Variants in VPS33B observed in about 807,000 individuals in gnomAD.
The protein encoded by VPS33B is VPS33B late endosome and lysosome associated.
VPS33B carries 80 observed loss-of-function variants against 95.3 expected under a neutral mutation model. The ratio of observed to expected loss-of-function variants is 0.84; its 90% confidence interval spans 0.70 to 1.01. The LOEUF is 1.01. Ranked by LOEUF, VPS33B falls within the 50% of genes least tolerant of loss-of-function variation. The probability of loss-of-function intolerance (pLI) is 0.00; values close to 1 mark genes in which losing one functional copy is unlikely to be tolerated. For synonymous variants in VPS33B, 280 were observed against 280.4 expected (o/e 1.00, Z 0.01); for missense variants, 715 against 773.4 (o/e 0.92, Z 0.90).
Position 91,005,812 on chromosome 15 carries a change from C to T in VPS33B, c.940-28G>A, listed in dbSNP as rs1482886316. 2 of 1,613,984 alleles carry T rather than the reference C, an allele frequency of 1.2e-6. No individual in the cohort carries two copies. The highest frequency in any genetic ancestry group is 4.5e-5 in the East Asian group (2 of 44,874). On this transcript the variant is annotated intron_variant, in intron 12 of 22. Transcript: ENST00000333371. This position sits in a 1 kb window ranked among gnomAD's most constrained non-coding sequence, Gnocchi z 6.4. ...GTGGGAAAATTCCCAAAGGTGAACCCCCCAACCTCAGACACGAGAAACCAC... is the reference window on the plus strand; with the variant it reads ...GTGGGAAAATTCCCAAAGGTGAACCTCCCAACCTCAGACACGAGAAACCAC...
intron 1 of VPS33B, among the ~76,000 whole-genome samples, chr15:91,020,888 T>G (rs2041083469): frequency 6.6e-6 from 1 of 151,898 alleles, no homozygotes; most frequent in South Asian, 2.1e-4. Flanking sequence ...CTCAAAAAAA[T>G]AAATAAAATA....
rs2040381676 is a variant in VPS33B, at chr15:90,999,782, C to T, written c.1669G>A (p.Glu557Lys). ...AGGGACTCACTGGAAGCCTTGTCTTCCTTAGTCATATCTGTGAGGATCAGA... is the reference window on the plus strand; with the variant it reads ...AGGGACTCACTGGAAGCCTTGTCTTTCTTAGTCATATCTGTGAGGATCAGA... ...SDFAFTDMTK[E>K]DKASSESLRL... Residue 557 changes from glutamate (E) to lysine (K), a missense_variant, in exon 22 of 23, where the codon GAA becomes AAA. Physicochemically the swap from Glu to Lys is moderately conservative, Grantham distance 56. Coordinates refer to ENST00000333371, the MANE Select transcript of VPS33B (RefSeq NM_018668.5). The surrounding 1 kb of genome is among the most constrained non-coding windows in gnomAD (Gnocchi z 5.1). The T allele has an allele frequency of 6.2e-7, 1 of 1,614,186 alleles. No individual in the cohort carries two copies. Among genetic ancestry groups the T allele is most frequent in the African/African-American group, 1.3e-5 (1 of 75,046 alleles).
In VPS33B at chr15:91,005,366, G is replaced by A; in HGVS notation, c.1105+14C>T. 6.2e-7 allele frequency: 1 copy of A among 1,614,128 alleles called. No individual in the cohort carries two copies. The highest frequency in any genetic ancestry group is 8.5e-7 in the Non-Finnish European group (1 of 1,180,026). Reference sequence around the variant, plus strand: ...GAAGCGTGGGCAGTAGCACAGCAAGGCTGCGGCAGTTACCATGCTCAGTCT... The same window carrying A: ...GAAGCGTGGGCAGTAGCACAGCAAGACTGCGGCAGTTACCATGCTCAGTCT... On this transcript the variant is annotated intron_variant, in intron 14 of 22. Transcript: ENST00000333371. The surrounding 1 kb of genome is among the most constrained non-coding windows in gnomAD (Gnocchi z 6.4).
Position 90,999,733 on chromosome 15 carries a change from A to C in VPS33B, c.1718T>G (p.Leu573Trp). ...ESLRLILVVF[L>W]GGCTFSEISA... is the part of the protein sequence containing the mutation. ...GATCTCAGAGAATGTACAACCACCC[A>C]AGAACACCACCAAGATGAGGCGCAG... Residue 573 changes from leucine (L) to tryptophan (W), a missense_variant, in exon 22 of 23, where the codon TTG becomes TGG. Transcript: ENST00000333371. The surrounding 1 kb of genome is among the most constrained non-coding windows in gnomAD (Gnocchi z 5.1). 1 of 1,614,100 alleles carries C rather than the reference A, an allele frequency of 6.2e-7. No individual in the cohort carries two copies. Among genetic ancestry groups the C allele is most frequent in the South Asian group, 1.1e-5 (1 of 91,066 alleles).
chr15:91,000,008 C>T lies in VPS33B; in HGVS notation c.1582-33G>A. ...GGTGTAAGCACTGTTTTTAAGGCTACAGACAGTATCAGGCTTAGGAAAGGA... is the reference window on the plus strand; with the variant it reads ...GGTGTAAGCACTGTTTTTAAGGCTATAGACAGTATCAGGCTTAGGAAAGGA... On this transcript the variant is annotated intron_variant, in intron 20 of 22. Coordinates refer to ENST00000333371, the MANE Select transcript of VPS33B (RefSeq NM_018668.5). The surrounding 1 kb of genome is among the most constrained non-coding windows in gnomAD (Gnocchi z 4.9). 1 of 1,612,620 alleles carries T rather than the reference C, an allele frequency of 6.2e-7. No individual in the cohort carries two copies. Among genetic ancestry groups the T allele is most frequent in the Middle Eastern group, 1.7e-4 (1 of 6,056 alleles).
chr15:91,008,000 G>A lies in VPS33B; in HGVS notation c.404-36C>T. 1 of 1,601,036 alleles carries A rather than the reference G, an allele frequency of 6.2e-7. No individual in the cohort carries two copies. Among genetic ancestry groups the A allele is most frequent in the Non-Finnish European group, 8.6e-7 (1 of 1,168,198 alleles). On this transcript the variant is annotated intron_variant, in intron 6 of 22. Transcript: ENST00000333371. The surrounding 1 kb of genome is among the most constrained non-coding windows in gnomAD (Gnocchi z 5.3). The stretch of plus-strand genomic sequence containing the variant: ...AGAGAGCATCAGCCTCCCTGCAGAA[G>A]GTACTTAGCTCCACGTTAAGAGGGA...
chr15:91,003,542 C>G (rs2040506414), intron 16 of VPS33B, among the ~76,000 whole-genome samples: 1 of 152,156 alleles, frequency 6.6e-6, no homozygotes, highest in Non-Finnish European at 1.5e-5. Context: ...CGGGTTCAAG[C>G]CATTCTCCTG....
chr15:91,014,278 G>A (rs1163354603), intron 4 of VPS33B, 106 bp downstream of exon 4: 7 of 1,123,964 alleles, frequency 6.2e-6, no homozygotes, highest in Middle Eastern at 2.0e-4. Flanking sequence ...CAAGTGCTAC[G>A]GCCAACTCAA....
At position 91,002,212 on chromosome 15, in the gene VPS33B, G is replaced by T; in HGVS notation, c.1273-30C>A. ...AGAAGATGCAATTAGACTATTTACT[G>T]AGTGTCCAAAGAGCATCTAGTACTG... On this transcript the variant is annotated intron_variant, in intron 17 of 22. Coordinates refer to ENST00000333371, the MANE Select transcript of VPS33B (RefSeq NM_018668.5). This position sits in a 1 kb window ranked among gnomAD's most constrained non-coding sequence, Gnocchi z 4.7. 1 of 1,613,526 alleles carries T rather than the reference G, an allele frequency of 6.2e-7. No homozygotes were observed. Among genetic ancestry groups the T allele is most frequent in the Non-Finnish European group, 8.5e-7 (1 of 1,179,756 alleles).
chr15:91,019,167 G>C (rs1274191047), intron 1 of VPS33B, among the ~76,000 whole-genome samples: 1 of 140,404 alleles, frequency 7.1e-6, no homozygotes, highest in Admixed American at 7.6e-5. Context: ...CTGTCGCCCA[G>C]GCTGGAGTGG....
intron 19 of VPS33B, 87 bp downstream of exon 19, chr15:91,001,302 T>G: frequency 9.9e-7 from 1 of 1,012,220 alleles, no homozygotes; most frequent in Non-Finnish European, 1.5e-6. Context: ...AGAGCAAGAT[T>G]CCATCTCAAA....
intron 18 of VPS33B, 147 bp downstream of exon 18, chr15:91,001,903 G>T: frequency 7.7e-7 from 1 of 1,302,082 alleles, no homozygotes. Context: ...GCTCTTACTA[G>T]CAGAAGTAGT....
rs1218062846 is a variant in VPS33B at position 91,007,224 on chromosome 15, A to G, written c.604-178T>C. Among the ~76,000 whole-genome samples, 3 of 152,026 alleles carry G rather than the reference A, an allele frequency of 2.0e-5. No homozygotes were observed. The East Asian group carries it at 5.8e-4, about 29-fold the overall frequency. Reference sequence around the variant, plus strand: ...TCTATCTTTCCCCAACACTCTTCCTACTGATGAGAAGATGTGTTACTCTGT... The same window carrying G: ...TCTATCTTTCCCCAACACTCTTCCTGCTGATGAGAAGATGTGTTACTCTGT... On this transcript the variant is annotated intron_variant, in intron 8 of 22. Transcript: ENST00000333371. This position sits in a 1 kb window ranked among gnomAD's most constrained non-coding sequence, Gnocchi z 5.3.
intron 3 of VPS33B, among the ~76,000 whole-genome samples, 155 bp from the exon 4 acceptor site, chr15:91,014,588 A>G (rs1332186374): frequency 1.3e-5 from 2 of 152,198 alleles, no homozygotes; most frequent in South Asian, 2.1e-4. Context: ...CCATATACCA[A>G]CCACAGAAGA....
Position 91,009,783 on chromosome 15 carries a change from A to T in VPS33B, c.403+18T>A. ...GTATGTTCTCTTTCCCTTTCCACTC[A>T]CATTCATCTCCTCTCACCTCCATAG... is the stretch of plus-strand genomic sequence containing the variant. On this transcript the variant is annotated intron_variant, in intron 6 of 22. Transcript: ENST00000333371. The surrounding 1 kb of genome is among the most constrained non-coding windows in gnomAD (Gnocchi z 4.1). 1 of 1,614,094 alleles carries T rather than the reference A, an allele frequency of 6.2e-7. No homozygotes were observed. The highest frequency in any genetic ancestry group is 8.5e-7 in the Non-Finnish European group (1 of 1,179,944).
At position 91,007,717 on chromosome 15, in the gene VPS33B, C is replaced by G. The variant is rs1596358917; in HGVS notation, c.499-144G>C. The G allele has an allele frequency of 8.5e-7, 1 of 1,173,464 alleles. No individual in the cohort carries two copies. 72.7% of individuals were successfully genotyped at this position (1,173,464 alleles called of 1,614,324 possible). ...TTCATTGGCTCCACAGGAAGTCCCA[C>G]AGAGACCAATCTGTAGCACTCAATC... On this transcript the variant is annotated intron_variant, in intron 7 of 22. Coordinates refer to ENST00000333371, the MANE Select transcript of VPS33B (RefSeq NM_018668.5). The surrounding 1 kb of genome is among the most constrained non-coding windows in gnomAD (Gnocchi z 5.3).
chr15:91,022,303 C>T lies in VPS33B; in HGVS notation c.-54G>A. The T allele has an allele frequency of 6.7e-7, 1 of 1,496,614 alleles. No individual in the cohort carries two copies. Among genetic ancestry groups the T allele is most frequent in the Non-Finnish European group, 9.0e-7 (1 of 1,112,534 alleles). 92.7% of individuals were successfully genotyped at this position (1,496,614 alleles called of 1,614,324 possible). On this transcript the variant is annotated 5_prime_UTR_variant, in exon 1 of 23. Transcript: ENST00000333371. ...AAGGACGCCCTTCGTTCTGAGAAGG[C>T]CGGCCGCAGCCCAGGGAAGCGCAAG...
In VPS33B at chr15:90,999,107, C is replaced by A; in HGVS notation, c.1775-53G>T. On this transcript the variant is annotated intron_variant, in intron 22 of 22. Transcript: ENST00000333371. This position sits in a 1 kb window ranked among gnomAD's most constrained non-coding sequence, Gnocchi z 5.1. ...AGACAGCACAGATCTTAGGCCCCAA[C>A]GGCAACCCATAGAGCCTCTCCAGTT... 2 of 1,574,050 alleles carry A rather than the reference C, an allele frequency of 1.3e-6. No individual in the cohort carries two copies. The highest frequency in any genetic ancestry group is 1.7e-6 in the Non-Finnish European group (2 of 1,147,522).
At chr15:91,001,324 A>G (rs1040001737) in intron 19 of VPS33B, 65 bp downstream of exon 19, 43 of 1,335,174 alleles carry the variant, frequency 3.2e-5, no homozygotes, top group East Asian at 1.6e-4. Context: ...AAAAAAAAAA[A>G]AAAGAAAAGT....
Sources: allele counts gnomAD v4.1 joint callset (sites outside exome capture counted in the v4.1 genomes callset), GRCh38; gene constraint gnomAD v4.1.1; non-coding constraint Gnocchi (gnomAD v3.1); transcripts MANE v1.5; gene names NCBI Gene and HGNC (gene_info 2026-07-23, HGNC 2026-07-21).